The following FGD6 variants were observed in gnomAD, a reference collection of about 807,000 sequenced individuals.
FGD6 encodes FYVE, RhoGEF and PH domain containing 6, also known as FYVE, RhoGEF and PH domain-containing protein 6.
FGD6 carries 90 observed loss-of-function variants against 149.4 expected under a neutral mutation model. The ratio of observed to expected loss-of-function variants is 0.60; its 90% CI spans 0.51 to 0.72. The LOEUF (loss-of-function observed/expected upper bound fraction) is 0.72, where lower values mean the gene tolerates loss of function less well. Among genes scored for constraint, FGD6 ranks in the 30% least tolerant of loss-of-function variants. The pLI, the probability that FGD6 is intolerant of heterozygous loss-of-function variation, is 0.00. For synonymous variants in FGD6, 527 were observed against 584.0 expected, an observed-to-expected ratio of 0.90 and a Z score of 1.41; for missense variants, 1,437 against 1,684.8, an observed-to-expected ratio of 0.85 and a Z score of 2.57.
intron 8 of FGD6, among the ~76,000 whole-genome samples, chr12:95,129,466 G>A (rs1487382347): frequency 6.6e-6 from 1 of 152,120 alleles, no homozygotes; most frequent in African/African-American, 2.4e-5. Context: ...TCTCTGATGT[G>A]TTCCAGGATC....
chr12:95,081,470 T>C lies in FGD6; in HGVS notation c.*50A>G, dbSNP rs368337004. ...TTTTTGAATTGCATTTACTCCATTCTGATGAAATTCCACCTCTTTGGAATC... is the reference window on the plus strand; with the variant it reads ...TTTTTGAATTGCATTTACTCCATTCCGATGAAATTCCACCTCTTTGGAATC... On this transcript the variant is annotated 3_prime_UTR_variant, in exon 21 of 21. Transcript: ENST00000343958. The C allele has an allele frequency of 4.7e-5, 71 of 1,518,638 alleles. No individual in the cohort carries two copies. The highest frequency in any genetic ancestry group is 6.2e-5 in the Non-Finnish European group (70 of 1,122,090). 94.1% of individuals were successfully genotyped at this position (1,518,638 alleles called of 1,614,324 possible).
rs779175902 is a variant in FGD6 at position 95,179,752 on chromosome 12, G to A, written c.2442-7008C>T. ...CTTCAATAGCCATTAAAAAAAGACCGGTTAAATAAATTGGGGTTATACATT... is the reference window on the plus strand; with the variant it reads ...CTTCAATAGCCATTAAAAAAAGACCAGTTAAATAAATTGGGGTTATACATT... On this transcript the variant is annotated intron_variant, in intron 2 of 20. Coordinates refer to ENST00000343958, the MANE Select transcript of FGD6 (RefSeq NM_018351.4). Among the ~76,000 whole-genome samples, 3 of 151,736 alleles carry A rather than the reference G, an allele frequency of 2.0e-5. 1 individual carries two copies. In the South Asian group the frequency reaches 6.2e-4, roughly 32 times the overall value.
rs1289589771 is a variant in FGD6, at chr12:95,077,337, G to A, written c.*4183C>T. 6.6e-6 allele frequency: 1 copy of A among 152,326 alleles called. No homozygotes were observed. The highest frequency in any genetic ancestry group is 1.5e-5 in the Non-Finnish European group (1 of 68,140). The allele number at this position is 152,326 out of a possible 1,614,324, so 9.4% of individuals were successfully genotyped here. A position where few individuals can be genotyped will look rare whatever the true frequency, so the allele number is the denominator to read the frequency against. ...AGATATGAACTGAAGGCTGTGTCGG[G>A]GCTGCAGGAAGGAGACAGGATCTAG... On this transcript the variant is annotated 3_prime_UTR_variant, in exon 21 of 21. Transcript: ENST00000343958.
chr12:95,210,597 T>C lies in FGD6; in HGVS notation c.687A>G (p.Pro229=). 1 of 1,614,184 alleles carries C rather than the reference T, an allele frequency of 6.2e-7. No homozygotes were observed. The highest frequency in any genetic ancestry group is 8.5e-7 in the Non-Finnish European group (1 of 1,180,028). The change falls in exon 2 of 21, where the codon CCA becomes CCG. Residue 229 remains proline, a synonymous_variant. Transcript: ENST00000343958. The part of the protein sequence containing the change: ...RIEFADLSPS[P]SSFEKVPDHH... ...GATCAGGAACTTTTTCAAAGCTGGA[T>C]GGGGAAGGTGACAAATCCGCAAATT...
At chr12:95,158,156 T>G (rs1880531054) in intron 3 of FGD6, among the ~76,000 whole-genome samples, 1 of 138,726 alleles carries the variant, frequency 7.2e-6, no homozygotes, top group Non-Finnish European at 1.5e-5. Context: ...GGCCATACAT[T>G]CACTCACTTT....
At chr12:95,200,552 C>T (rs2056651706) in intron 2 of FGD6, among the ~76,000 whole-genome samples, 2 of 152,152 alleles carry the variant, frequency 1.3e-5, no homozygotes, top group Non-Finnish European at 1.5e-5. Context: ...AGCAACCTTA[C>T]TCCAATTCAT....
intron 2 of FGD6, among the ~76,000 whole-genome samples, chr12:95,199,513 G>A (rs1431854481): frequency 1.3e-5 from 2 of 151,556 alleles, no homozygotes; most frequent in South Asian, 4.2e-4. Context: ...ATCTATCCCT[G>A]CCTTCCTCCC....
At chr12:95,193,065 G>T (rs937286265) in intron 2 of FGD6, among the ~76,000 whole-genome samples, 8 of 152,160 alleles carry the variant, frequency 5.3e-5, no homozygotes, top group African/African-American at 1.9e-4. Flanking sequence ...AAGCAAAATG[G>T]TATACCTACT....
At chr12:95,132,684 GGAGT>G (rs1565904289) in intron 8 of FGD6, among the ~76,000 whole-genome samples, 1 of 152,040 alleles carries the variant, frequency 6.6e-6, no homozygotes, top group African/African-American at 2.4e-5. Flanking sequence ...TCCAGGAGGC[GGAGT>G]TTGCAGTGAG....
At chr12:95,121,716 C>T (rs921670080) in intron 8 of FGD6, among the ~76,000 whole-genome samples, 1 of 149,392 alleles carries the variant, frequency 6.7e-6, no homozygotes, top group Non-Finnish European at 1.5e-5. Flanking sequence ...AATGCAGTGG[C>T]ATGATCTTGG....
chr12:95,131,950 G>A (rs1592845462), intron 8 of FGD6, among the ~76,000 whole-genome samples: 1 of 152,122 alleles, frequency 6.6e-6, no homozygotes, highest in East Asian at 1.9e-4. Context: ...TGAGGAGGGA[G>A]GATAACTTGA....
intron 2 of FGD6, among the ~76,000 whole-genome samples, chr12:95,203,346 C>G (rs2056672497): frequency 1.3e-5 from 2 of 152,168 alleles, no homozygotes; most frequent in African/African-American, 4.8e-5. Flanking sequence ...GGACAACAAT[C>G]CACATTTCTG....
chr12:95,083,587 A>G lies in FGD6; in HGVS notation c.4256+911T>C, dbSNP rs145411186. On this transcript the variant is annotated intron_variant, in intron 20 of 20. Transcript: ENST00000343958. ...CAGTAGCCAAAGGAAAATATTTGGA[A>G]GAATAGCTATATACTGTTGGATATC... Among the ~76,000 whole-genome samples the G allele has an allele frequency of 9.2e-4, 140 of 152,364 alleles. 1 individual carries two copies. The highest frequency in any genetic ancestry group is 3.0e-3 in the African/African-American group (126 of 41,590).
intron 8 of FGD6, among the ~76,000 whole-genome samples, chr12:95,131,140 T>C (rs902441433): frequency 1.5e-5 from 2 of 133,128 alleles, no homozygotes; most frequent in African/African-American, 5.6e-5. Flanking sequence ...GAGAGGGAGG[T>C]TGCTCTTCCT....
chr12:95,209,932 A>G lies in FGD6; in HGVS notation c.1352T>C (p.Val451Ala), dbSNP rs762870618. Residue 451 changes from valine (V) to alanine (A), a missense_variant, in exon 2 of 21, where the codon GTA (valine) becomes GCA (alanine). Around this residue, in one of 2 missense-constraint regions of FGD6, gnomAD observed 1,055 missense variants for 1,146.0 expected, o/e 0.92. Transcript: ENST00000343958. Reference sequence around the variant, plus strand: ...GAGCTGCTTAGGCAGGCTCATAGATACAGTACATCTTATAAAACCGGTCCC... The same window carrying G: ...GAGCTGCTTAGGCAGGCTCATAGATGCAGTACATCTTATAAAACCGGTCCC... Reference protein sequence around the residue: ...DEGTGFIRCTVSMSLPKQLKL... With the variant: ...DEGTGFIRCTASMSLPKQLKL... The G allele has an allele frequency of 2.1e-5, 34 of 1,613,006 alleles. No homozygotes were observed. The highest frequency in any genetic ancestry group is 2.7e-5 in the Non-Finnish European group (32 of 1,179,784).
In FGD6 at chr12:95,099,388, T is replaced by C. The variant is rs151145272; in HGVS notation, c.3498-4694A>G. Among the ~76,000 whole-genome samples the C allele has an allele frequency of 2.0e-3, 300 of 152,258 alleles. 2 individuals carry two copies. Among genetic ancestry groups the C allele is most frequent in the Non-Finnish European group, 2.9e-3 (194 of 68,016 alleles). ...CATGCAGTGTGTTGGTGGGAAGAGA[T>C]GGAGAGACTCCTTACCCACTTTAAT... On this transcript the variant is annotated intron_variant, in intron 14 of 20. Transcript: ENST00000343958.
intron 2 of FGD6, among the ~76,000 whole-genome samples, chr12:95,174,469 C>G (rs1426710748): frequency 1.3e-5 from 2 of 152,098 alleles, no homozygotes; most frequent in East Asian, 1.9e-4. Flanking sequence ...TCAGGCCACC[C>G]ACAACCCACC....
In FGD6 at chr12:95,105,062, A is replaced by C; in HGVS notation, c.3442T>G (p.Tyr1148Asp). ...MKVRKPTQEA[Y>D]QNELKIESVE... The stretch of plus-strand genomic sequence containing the variant: ...CTTTCAATCTTTAATTCATTCTGAT[A>C]GGCTTCTTGGGTAGGTTTTCTGACC... Residue 1148 changes from tyrosine to aspartate, a missense_variant, in exon 14 of 21, where the codon TAT becomes GAT. By Grantham distance (160) the Tyr-to-Asp change is radical (BLOSUM62 -3). Transcript: ENST00000343958. The C allele has an allele frequency of 6.2e-7, 1 of 1,610,992 alleles. No individual in the cohort carries two copies. The highest frequency in any genetic ancestry group is 8.5e-7 in the Non-Finnish European group (1 of 1,179,328).
chr12:95,144,422 C>T (rs1241436083), intron 5 of FGD6, among the ~76,000 whole-genome samples: 3 of 151,450 alleles, frequency 2.0e-5, no homozygotes, highest in Non-Finnish European at 4.4e-5. Flanking sequence ...GACAGAGTTT[C>T]ACTCTGGTTG....
Sources: gnomAD v4.1 joint callset for allele counts (sites outside exome capture counted in the v4.1 genomes callset) on GRCh38, gnomAD v4.1.1 for gene constraint, gnomAD v4.1.1 regional missense constraint, MANE v1.5 for transcripts, NCBI Gene and HGNC (gene_info 2026-07-23, HGNC 2026-07-21) for gene names.